The following SHE variants were observed in gnomAD, a reference collection of about 807,000 sequenced individuals.
SHE encodes the protein Src homology 2 domain containing E, also known as SH2 domain-containing adapter protein E.
Under a neutral mutation model 49.8 loss-of-function variants are expected in SHE, and 11 were observed. The observed-to-expected ratio is 0.22, with a 90% CI of 0.14 to 0.37. The LOEUF is 0.37. Among genes scored for constraint, SHE ranks in the 10% least tolerant of loss-of-function variants. The pLI is 1.00. For synonymous variants in SHE, 310 were observed against 278.1 expected (o/e 1.11, Z -1.14); for missense variants, 624 against 655.5 (o/e 0.95, Z 0.52).
intron 1 of SHE, among the ~76,000 whole-genome samples, chr1:154,473,246 T>G (rs1691792708): frequency 6.6e-6 from 1 of 151,988 alleles, no homozygotes; most frequent in Non-Finnish European, 1.5e-5. Context: ...GTGATCCGCC[T>G]GTCTCAGCCT....
chr1:154,482,812 G>C lies in SHE; in HGVS notation c.*1337C>G. ...CCTCTAGGTCTTTTCAAACACTTCT[G>C]TATAGTACAAGGCAGTCTGCTTGGT... On this transcript the variant is annotated 3_prime_UTR_variant, in exon 6 of 6. Coordinates refer to ENST00000304760, the MANE Select transcript of SHE (RefSeq NM_001010846.3). 2.0e-6 allele frequency: 2 copies of C among 985,394 alleles called. No homozygotes were observed. Among genetic ancestry groups the C allele is most frequent in the Non-Finnish European group, 2.4e-6 (2 of 829,930 alleles). 61.0% of individuals were successfully genotyped at this position (985,394 alleles called of 1,614,324 possible).
intron 3 of SHE, 105 bp downstream of exon 3, chr1:154,488,946 G>GC (rs1692271314): frequency 1.4e-6 from 2 of 1,381,564 alleles, no homozygotes; most frequent in Non-Finnish European, 1.9e-6. Flanking sequence ...ATTGAGAAGA[G>GC]AAAGGAATAT....
At chr1:154,496,753 A>T (rs1570857542) in intron 2 of SHE, among the ~76,000 whole-genome samples, 1 of 42,032 alleles carries the variant, frequency 2.4e-5, no homozygotes, top group East Asian at 3.2e-3. Flanking sequence ...GAATTACATG[A>T]AAAAAAAAAC....
In SHE at chr1:154,479,772, A is replaced by G. The variant is rs1691971123; in HGVS notation, c.*4377T>C. On this transcript the variant is annotated 3_prime_UTR_variant, in exon 6 of 6. Transcript: ENST00000304760. The stretch of plus-strand genomic sequence containing the variant: ...GTTTCAATGATTCTGTTGCCAGCAT[A>G]TTAATTAAAATACAATTTGAGATTC... 1 of 985,316 alleles carries G rather than the reference A, an allele frequency of 1.0e-6. No homozygotes were observed. Among genetic ancestry groups the G allele is most frequent in the African/African-American group, 1.7e-5 (1 of 57,244 alleles). The allele number at this position is 985,316 out of a possible 1,614,324, so 61.0% of individuals were successfully genotyped here.
intron 2 of SHE, among the ~76,000 whole-genome samples, chr1:154,494,527 GTTTT>G (rs199901392): frequency 7.9e-6 from 1 of 126,408 alleles, no homozygotes; most frequent in Non-Finnish European, 1.7e-5. Context: ...GGAGTTTATA[GTTTT>G]TTTTTTTTTT....
exon 2 of SHE, chr1:154,470,077 C>G (rs1374744984): frequency 5.9e-6 from 2 of 338,240 alleles, no homozygotes; most frequent in South Asian, 2.2e-5. Context: ...TCTGGGCCCC[C>G]ACCTGGGCAG....
intron 4 of SHE, 35 bp from the exon 5 acceptor site, chr1:154,486,097 T>C: frequency 1.2e-6 from 2 of 1,601,016 alleles, no homozygotes; most frequent in Non-Finnish European, 1.7e-6. Flanking sequence ...GAAAGCACCA[T>C]GAGTGTCAAA....
chr1:154,487,020 T>C (rs1344313769), intron 3 of SHE, among the ~76,000 whole-genome samples: 2 of 152,174 alleles, frequency 1.3e-5, no homozygotes, highest in Non-Finnish European at 2.9e-5. Context: ...ATGCCTGTAA[T>C]CCCACCACTT....
At chr1:154,474,891 C>T (rs1037002242), downstream of SHE, among the ~76,000 whole-genome samples, 26 of 152,212 alleles carry the variant, frequency 1.7e-4, no homozygotes, top group African/African-American at 6.3e-4. Flanking sequence ...TGGAGCTGCT[C>T]TCTGGGTGCA....
rs760309263 is a variant in SHE at position 154,483,518 on chromosome 1, T to C, written c.*631A>G. ...GTATTCCAGGTAACAAGTAGGCACA[T>C]TTCTAGAGAACTCTGATGCTCCTGA... On this transcript the variant is annotated 3_prime_UTR_variant, in exon 6 of 6. Transcript: ENST00000304760. 7.1e-6 allele frequency: 7 copies of C among 985,338 alleles called. No individual in the cohort carries two copies. Among genetic ancestry groups the C allele is most frequent in the Non-Finnish European group, 8.4e-6 (7 of 829,958 alleles). The allele number at this position is 985,338 out of a possible 1,614,324, so 61.0% of individuals were successfully genotyped here.
At chr1:154,484,407 C>G (rs1053453147) in intron 5 of SHE, 72 bp from the exon 6 acceptor site, 4 of 1,325,132 alleles carry the variant, frequency 3.0e-6, no homozygotes, top group African/African-American at 1.4e-5. Context: ...ACAATTGCAG[C>G]CAGATTCACA....
In SHE at chr1:154,484,046, T is replaced by A. The variant is rs1692095782; in HGVS notation, c.*103A>T. On this transcript the variant is annotated 3_prime_UTR_variant, in exon 6 of 6. Coordinates refer to ENST00000304760, the MANE Select transcript of SHE (RefSeq NM_001010846.3). The stretch of plus-strand genomic sequence containing the variant: ...TCTGACTTTTCAAGGAAGACTCCCA[T>A]TTTCTAGCAGTTGCTAGTCCAGCCT... 6.8e-7 allele frequency: 1 copy of A among 1,474,556 alleles called. No individual in the cohort carries two copies. The highest frequency in any genetic ancestry group is 1.4e-5 in the African/African-American group (1 of 70,852). The allele number at this position is 1,474,556 out of a possible 1,614,324, so 91.3% of individuals were successfully genotyped here. A position where few individuals can be genotyped will look rare whatever the true frequency, so the allele number is the denominator to read the frequency against.
intron 1 of SHE, among the ~76,000 whole-genome samples, chr1:154,500,500 G>C (rs1303363477): frequency 2.0e-5 from 3 of 152,224 alleles, no homozygotes; most frequent in African/African-American, 7.2e-5. Flanking sequence ...CAGGGAGGTA[G>C]CATGTTTGAA....
chr1:154,499,356 A>T, intron 1 of SHE, 118 bp from the exon 2 acceptor site: 1 of 1,136,510 alleles, frequency 8.8e-7, no homozygotes, highest in Non-Finnish European at 1.2e-6. Flanking sequence ...CTCTATAACC[A>T]GTTCCAGATA....
Position 154,502,199 on chromosome 1 carries a change from G to C in SHE, c.-173C>G. 1 of 361,362 alleles carries C rather than the reference G, an allele frequency of 2.8e-6. No individual in the cohort carries two copies. The highest frequency in any genetic ancestry group is 4.4e-6 in the Non-Finnish European group (1 of 229,310). 22.4% of individuals were successfully genotyped at this position (361,362 alleles called of 1,614,324 possible). ...ACGGCAGGCGACAGGCACGACGCGC[G>C]GGGGGCCCCGCCCGGGCTCGTCTTC... On this transcript the variant is annotated 5_prime_UTR_variant, in exon 1 of 6. Transcript: ENST00000304760.
At chr1:154,499,846 C>T (rs1692651770) in intron 1 of SHE, among the ~76,000 whole-genome samples, 1 of 152,152 alleles carries the variant, frequency 6.6e-6, no homozygotes, top group Non-Finnish European at 1.5e-5. Flanking sequence ...AACTGACTGT[C>T]ACAGGCTACA....
chr1:154,484,358 G>A (rs758419537), intron 5 of SHE, 23 bp from the exon 6 acceptor site: 1 of 1,595,730 alleles, frequency 6.3e-7, no homozygotes, highest in South Asian at 1.1e-5. Flanking sequence ...TCAAGGAGGA[G>A]ACATGAATGA....
rs773884633 is a variant in SHE, at chr1:154,489,146, G to T, written c.929C>A (p.Pro310Gln). Residue 310 changes from proline (P) to glutamine (Q), a missense_variant, in exon 3 of 6, where the codon CCA becomes CAA. Transcript: ENST00000304760. ...GTCGTTCTCGGGCAGCCGGCTGTCT[G>T]GGGGCCGCGCCTTCCCCTCTGCCCT... Reference protein sequence around the residue: ...GPRAEGKARPPDSRLPENDER... With the variant: ...GPRAEGKARPQDSRLPENDER... The T allele has an allele frequency of 3.7e-6, 6 of 1,613,964 alleles. No homozygotes were observed. The South Asian group carries it at 6.6e-5, about 18-fold the overall frequency.
In SHE at chr1:154,488,625, C is replaced by T. The variant is rs576344326; in HGVS notation, c.1024+426G>A. Among the ~76,000 whole-genome samples the T allele has an allele frequency of 1.5e-3, 233 of 152,244 alleles. 1 individual carries two copies. Among genetic ancestry groups the T allele is most frequent in the African/African-American group, 4.9e-3 (205 of 41,546 alleles). On this transcript the variant is annotated intron_variant, in intron 3 of 5. Transcript: ENST00000304760. ...TTTTTGAGACAGAGTCTCGCTCTGT[C>T]ACCCAGGTTGAAATGCAGTGGCACG...
Sources: gnomAD v4.1 joint callset for allele counts (sites outside exome capture counted in the v4.1 genomes callset) on GRCh38, gnomAD v4.1.1 for gene constraint, MANE v1.5 for transcripts, NCBI Gene and HGNC (gene_info 2026-07-23, HGNC 2026-07-21) for gene names.